The following CHST11 variants were observed in gnomAD, a reference collection of about 807,000 sequenced individuals.
CHST11 encodes C4S-1.
In CHST11, 9 loss-of-function variants were observed where a neutral mutation model predicts 30.4. The observed-to-expected ratio is 0.30, with a 90% CI of 0.18 to 0.52. The LOEUF (loss-of-function observed/expected upper bound fraction) is 0.52, where lower values mean the gene tolerates loss of function less well. Ranked by LOEUF, CHST11 falls within the 20% of genes least tolerant of loss-of-function variation. The pLI is 0.97. For synonymous variants in CHST11, 152 were observed against 187.8 expected (o/e 0.81, Z 1.56); for missense variants, 348 against 460.6 (o/e 0.76, Z 2.24).
At chr12:104,613,268 G>A (rs1192409522) in intron 2 of CHST11, among the ~76,000 whole-genome samples, 2 of 135,078 alleles carry the variant, frequency 1.5e-5, no homozygotes, top group African/African-American at 5.3e-5. Context: ...AAGAAAATGT[G>A]AGTGAGATAG....
chr12:104,542,697 G>A (rs1762246768), intron 1 of CHST11, among the ~76,000 whole-genome samples: 1 of 152,204 alleles, frequency 6.6e-6, no homozygotes, highest in Admixed American at 6.5e-5. Context: ...TGGGTAGAGT[G>A]GGGATAGTGG....
At chr12:104,506,623 T>A (rs760654098) in intron 1 of CHST11, among the ~76,000 whole-genome samples, 4 of 152,194 alleles carry the variant, frequency 2.6e-5, no homozygotes, top group Non-Finnish European at 5.9e-5. Flanking sequence ...TGTGCCACTT[T>A]GAGAAACCTA....
intron 2 of CHST11, among the ~76,000 whole-genome samples, chr12:104,655,658 G>A (rs114321981): frequency 4.6e-5 from 7 of 152,288 alleles, no homozygotes; most frequent in African/African-American, 1.2e-4. Context: ...AGTGTTACGA[G>A]CAATGGGTAA....
At chr12:104,504,623 GC>G (rs975375920) in intron 1 of CHST11, among the ~76,000 whole-genome samples, 1 of 152,198 alleles carries the variant, frequency 6.6e-6, no homozygotes, top group Non-Finnish European at 1.5e-5. Context: ...ATTCCTAAAA[GC>G]CTGTTCATGG....
At chr12:104,683,865 T>C (rs1366022087) in intron 2 of CHST11, among the ~76,000 whole-genome samples, 1 of 152,144 alleles carries the variant, frequency 6.6e-6, no homozygotes, top group African/African-American at 2.4e-5. Flanking sequence ...GAAAATTCAC[T>C]ATGATTAGAT....
chr12:104,733,015 A>C (rs1038652875), intron 2 of CHST11, among the ~76,000 whole-genome samples: 6 of 152,244 alleles, frequency 3.9e-5, no homozygotes, highest in African/African-American at 1.4e-4. Flanking sequence ...ACCCTTGTGT[A>C]GTAGGTATGA....
At chr12:104,522,110 G>A (rs749323558) in intron 1 of CHST11, among the ~76,000 whole-genome samples, 6 of 151,500 alleles carry the variant, frequency 4.0e-5, no homozygotes, top group African/African-American at 9.8e-5. Flanking sequence ...TCCTTATGCC[G>A]GCACTGGCTT....
chr12:104,628,543 G>A (rs901641740), intron 2 of CHST11, among the ~76,000 whole-genome samples: 1 of 152,278 alleles, frequency 6.6e-6, no homozygotes, highest in African/African-American at 2.4e-5. Flanking sequence ...CCAGGGTAAC[G>A]TGGCGTTGAA....
intron 1 of CHST11, among the ~76,000 whole-genome samples, chr12:104,526,426 A>G (rs1190255322): frequency 6.6e-6 from 1 of 152,162 alleles, no homozygotes; most frequent in Non-Finnish European, 1.5e-5. Flanking sequence ...TCCCCAGTTC[A>G]GCCGGCTACT....
At chr12:104,528,570 G>T (rs963866365) in intron 1 of CHST11, among the ~76,000 whole-genome samples, 2 of 152,102 alleles carry the variant, frequency 1.3e-5, no homozygotes, top group Non-Finnish European at 2.9e-5. Context: ...GGCCAGTGCT[G>T]TTCTTCCACC....
At chr12:104,700,720 G>A (rs1222483963) in intron 2 of CHST11, among the ~76,000 whole-genome samples, 1 of 152,156 alleles carries the variant, frequency 6.6e-6, no homozygotes, top group Non-Finnish European at 1.5e-5. Context: ...TCTATGCCAG[G>A]TATTATTGGA....
intron 1 of CHST11, among the ~76,000 whole-genome samples, chr12:104,498,196 G>A (rs894530332): frequency 1.6e-4 from 24 of 151,938 alleles, no homozygotes; most frequent in Non-Finnish European, 2.8e-4. Flanking sequence ...CTGTGAGCTG[G>A]GATTGCAGGC....
chr12:104,506,458 A>T (rs1332424314), intron 1 of CHST11, among the ~76,000 whole-genome samples: 2 of 152,234 alleles, frequency 1.3e-5, no homozygotes, highest in Non-Finnish European at 2.9e-5. Context: ...CTTGACCAGG[A>T]TGGACGGTCC....
intron 1 of CHST11, among the ~76,000 whole-genome samples, chr12:104,490,195 C>T (rs1384096361): frequency 3.9e-5 from 6 of 152,214 alleles, no homozygotes; most frequent in African/African-American, 1.4e-4. Flanking sequence ...CCTGGCCTAG[C>T]TGGTTGAGGA....
chr12:104,573,631 T>C (rs905120652), intron 1 of CHST11, among the ~76,000 whole-genome samples: 10 of 152,220 alleles, frequency 6.6e-5, no homozygotes, highest in African/African-American at 1.9e-4. Context: ...ATTTAATAAA[T>C]GGTGCTGGGA....
chr12:104,603,942 T>C (rs1336107996), intron 2 of CHST11, among the ~76,000 whole-genome samples: 2 of 152,366 alleles, frequency 1.3e-5, no homozygotes, highest in Admixed American at 1.3e-4. Flanking sequence ...ACTCCTTTTT[T>C]TCATTCATTT....
In CHST11 at chr12:104,757,023, C is replaced by G; in HGVS notation, c.279C>G (p.Ser93Arg). The change falls in exon 3 of 3, where the codon AGC becomes AGG. Residue 93 changes from serine to arginine, a missense_variant. Coordinates refer to ENST00000303694, the MANE Select transcript of CHST11 (RefSeq NM_018413.6). The surrounding 1 kb of genome is among the most constrained non-coding windows in gnomAD (Gnocchi z 6.5). ...DQVTDTCRAN[S>R]ATSRKRRVLT... ...TGACAGACACGTGCCGAGCCAACAG[C>G]GCCACAAGCCGTAAGCGGAGGGTGC... 1 of 1,613,532 alleles carries G rather than the reference C, an allele frequency of 6.2e-7. No homozygotes were observed.
At chr12:104,627,556 C>T (rs994999839) in intron 2 of CHST11, among the ~76,000 whole-genome samples, 3 of 152,160 alleles carry the variant, frequency 2.0e-5, no homozygotes, top group African/African-American at 7.2e-5. Flanking sequence ...ATTCAACAAG[C>T]GCAGGTTCAG....
chr12:104,518,344 C>T (rs933219796), intron 1 of CHST11, among the ~76,000 whole-genome samples: 2 of 151,980 alleles, frequency 1.3e-5, no homozygotes, highest in South Asian at 2.1e-4. Context: ...GACAGGAGCG[C>T]GTGAGTAGGA....
Sources: gnomAD v4.1 joint callset for allele counts (sites outside exome capture counted in the v4.1 genomes callset) on GRCh38, gnomAD v4.1.1 for gene constraint, Gnocchi (gnomAD v3.1) non-coding constraint, MANE v1.5 for transcripts, NCBI Gene and HGNC (gene_info 2026-07-23, HGNC 2026-07-21) for gene names.